The following SMG6 variants were observed in gnomAD, a reference collection of about 807,000 sequenced individuals.
SMG6 encodes the protein SMG6 nonsense mediated mRNA decay factor, also known as telomerase-binding protein EST1A.
A neutral mutation model predicts 142.2 loss-of-function variants in SMG6; 66 were observed. The ratio of observed to expected loss-of-function variants is 0.46; its 90% CI spans 0.38 to 0.57. The LOEUF (loss-of-function observed/expected upper bound fraction) is 0.57, where lower values mean the gene tolerates loss of function less well. Among genes scored for constraint, SMG6 ranks in the 20% least tolerant of loss-of-function variants. The probability of loss-of-function intolerance (pLI) is 0.00; values close to 1 mark genes in which losing one functional copy is unlikely to be tolerated. For synonymous variants in SMG6, 779 were observed against 702.4 expected, an observed-to-expected ratio of 1.11 and a Z score of -1.72; for missense variants, 1,793 against 1,832.0, an observed-to-expected ratio of 0.98 and a Z score of 0.39.
At chr17:2,289,682 AG>A (rs1296093902) in intron 6 of SMG6, among the ~76,000 whole-genome samples, 3 of 152,014 alleles carry the variant, frequency 2.0e-5, no homozygotes, top group African/African-American at 7.2e-5. Flanking sequence ...AGGCTGAGGT[AG>A]GTGGATCACT....
intron 12 of SMG6, among the ~76,000 whole-genome samples, chr17:2,175,181 C>A (rs759028713): frequency 1.6e-4 from 24 of 152,210 alleles, no homozygotes; most frequent in Admixed American, 7.2e-4. Flanking sequence ...CTTTGGCCAA[C>A]AGGCACTGCT....
intron 15 of SMG6, among the ~76,000 whole-genome samples, chr17:2,075,026 G>A (rs2068217626): frequency 6.6e-6 from 1 of 152,224 alleles, no homozygotes; most frequent in Admixed American, 6.5e-5. Context: ...GTCTGGGTGG[G>A]AAGGGCGGAT....
chr17:2,116,968 A>C (rs963225929), intron 13 of SMG6, among the ~76,000 whole-genome samples: 1 of 152,164 alleles, frequency 6.6e-6, no homozygotes, highest in Non-Finnish European at 1.5e-5. Context: ...AAGAAAAGGC[A>C]CTCAATATCA....
intron 13 of SMG6, among the ~76,000 whole-genome samples, chr17:2,112,444 G>T (rs940560880): frequency 6.6e-6 from 1 of 151,302 alleles, no homozygotes; most frequent in Non-Finnish European, 1.5e-5. Flanking sequence ...GGAGGCGGAG[G>T]TTGCAGTGAG....
intron 12 of SMG6, among the ~76,000 whole-genome samples, chr17:2,178,498 C>G (rs1413367343): frequency 6.6e-6 from 1 of 152,142 alleles, no homozygotes; most frequent in Non-Finnish European, 1.5e-5. Context: ...CCCAAAAGGG[C>G]AAATCAAATT....
At chr17:2,112,524 AAAATAAATAAATAAATAAATAAAT>A (rs141512888) in intron 13 of SMG6, among the ~76,000 whole-genome samples, 3 of 139,684 alleles carry the variant, frequency 2.1e-5, no homozygotes, top group South Asian at 2.2e-4. Context: ...AATAAAATAA[AAAATAAATAAATAAATAAATAAAT>A]AAATAAATAA....
chr17:2,201,202 T>G (rs1263597667), intron 10 of SMG6, among the ~76,000 whole-genome samples: 1 of 152,094 alleles, frequency 6.6e-6, no homozygotes, highest in Non-Finnish European at 1.5e-5. Flanking sequence ...AATAAAAAAT[T>G]GGGCAAAGAA....
At chr17:2,265,907 T>A in intron 8 of SMG6, 1 of 794,206 alleles carries the variant, frequency 1.3e-6, no homozygotes, top group Non-Finnish European at 1.5e-6. Context: ...GAATGAAATA[T>A]GAACTTCAGA....
In SMG6 at chr17:2,251,150, G is replaced by A. The variant is rs1171626440; in HGVS notation, c.2662-6431C>T. On this transcript the variant is annotated intron_variant, in intron 8 of 18. Transcript: ENST00000263073. Reference sequence around the variant, plus strand: ...AATCTAAGAAAAAAAAAAAATGAGGGAAGGGGGGCCTGGTACAAAAAATGT... The same window carrying A: ...AATCTAAGAAAAAAAAAAAATGAGGAAAGGGGGGCCTGGTACAAAAAATGT... Among the ~76,000 whole-genome samples, 4 of 151,912 alleles carry A rather than the reference G, an allele frequency of 2.6e-5. No homozygotes were observed. In the East Asian group the frequency reaches 7.7e-4, roughly 29 times the overall value.
intron 13 of SMG6, among the ~76,000 whole-genome samples, chr17:2,125,727 C>A (rs900893805): frequency 1.3e-5 from 2 of 152,148 alleles, no homozygotes; most frequent in East Asian, 3.9e-4. Flanking sequence ...CCAAAGCGGG[C>A]AGATTGCTTG....
At chr17:2,167,380 T>C (rs1055370626) in intron 13 of SMG6, among the ~76,000 whole-genome samples, 3 of 152,146 alleles carry the variant, frequency 2.0e-5, no homozygotes, top group Admixed American at 6.5e-5. Flanking sequence ...AAGTGACATA[T>C]AGGACAAAGA....
intron 10 of SMG6, among the ~76,000 whole-genome samples, chr17:2,193,891 T>C (rs2072239287): frequency 6.6e-6 from 1 of 152,178 alleles, no homozygotes; most frequent in Admixed American, 6.5e-5. Context: ...GGTGCAGTGG[T>C]ACAACTGTGG....
chr17:2,101,577 C>T (rs1377627070), intron 13 of SMG6: 1 of 152,122 alleles, frequency 6.6e-6, no homozygotes, highest in African/African-American at 2.4e-5. Flanking sequence ...CAAGGTTTAC[C>T]AGCTCACCAG....
chr17:2,248,358 T>C (rs1323116269), intron 8 of SMG6, among the ~76,000 whole-genome samples: 1 of 152,048 alleles, frequency 6.6e-6, no homozygotes, highest in East Asian at 1.9e-4. Context: ...GCCGTTCAAG[T>C]TTTGCTTTTA....
At chr17:2,275,025 A>T (rs1179270329) in intron 8 of SMG6, among the ~76,000 whole-genome samples, 1 of 144,376 alleles carries the variant, frequency 6.9e-6, no homozygotes, top group Non-Finnish European at 1.5e-5. Flanking sequence ...AAAAAAAAAT[A>T]GGCGTGAGCA....
At chr17:2,141,752 AC>A (rs2070487265) in intron 13 of SMG6, among the ~76,000 whole-genome samples, 1 of 152,164 alleles carries the variant, frequency 6.6e-6, no homozygotes, top group Non-Finnish European at 1.5e-5. Context: ...CTGAGGAGGA[AC>A]TTTTTATAGT....
In SMG6 at chr17:2,299,645, T is replaced by C. The variant is rs2075227372; in HGVS notation, c.1108A>G (p.Arg370Gly). 6.2e-7 allele frequency: 1 copy of C among 1,614,118 alleles called. No homozygotes were observed. The highest frequency in any genetic ancestry group is 8.5e-7 in the Non-Finnish European group (1 of 1,180,042). Reference protein sequence around the residue: ...NKESPMVRSARDDMDRGKPDK... With the variant: ...NKESPMVRSAGDDMDRGKPDK... Reference sequence around the variant, plus strand: ...GGCTTTCCTCTATCCATATCATCCCTGGCTGACCTCACCATGGGAGACTCT... The same window carrying C: ...GGCTTTCCTCTATCCATATCATCCCCGGCTGACCTCACCATGGGAGACTCT... Residue 370 changes from arginine (R) to glycine (G), a missense_variant, in exon 2 of 19, where the codon AGG becomes GGG. This residue lies in a region of SMG6 where 1,597 missense variants were observed against 1,584.6 expected (regional missense o/e 1.01). Transcript: ENST00000263073. The surrounding 1 kb of genome is among the most constrained non-coding windows in gnomAD (Gnocchi z 4.3).
chr17:2,186,998 T>G (rs1028505276), intron 11 of SMG6, among the ~76,000 whole-genome samples, 167 bp from the exon 12 acceptor site: 1 of 152,184 alleles, frequency 6.6e-6, no homozygotes, highest in Non-Finnish European at 1.5e-5. Context: ...TTCTGAAAAG[T>G]AGGACAAAGA....
At chr17:2,248,977 C>G (rs373852525) in intron 8 of SMG6, among the ~76,000 whole-genome samples, 5 of 151,912 alleles carry the variant, frequency 3.3e-5, no homozygotes, top group African/African-American at 1.2e-4. Context: ...AGCTCCGCCT[C>G]CCGGGTTCAC....
Sources: allele counts gnomAD v4.1 joint callset (sites outside exome capture counted in the v4.1 genomes callset), GRCh38; gene constraint gnomAD v4.1.1; regional missense constraint gnomAD v4.1.1; non-coding constraint Gnocchi (gnomAD v3.1); transcripts MANE v1.5; gene names NCBI Gene and HGNC (gene_info 2026-07-23, HGNC 2026-07-21).